The following CLASP1 variants were observed in gnomAD, a reference collection of about 807,000 sequenced individuals.
CLASP1 encodes the protein CLIP-associating protein 1.
In CLASP1, 38 loss-of-function variants were observed where a neutral mutation model predicts 192.3. The observed-to-expected ratio is 0.20, with a 90% confidence interval of 0.15 to 0.26. The LOEUF (loss-of-function observed/expected upper bound fraction) is 0.26. Among genes scored for constraint, CLASP1 ranks in the 10% least tolerant of loss-of-function variants. The pLI is 1.00. For synonymous variants in CLASP1, 691 were observed against 712.8 expected (o/e 0.97, Z 0.49); for missense variants, 1,433 against 1,932.5 (o/e 0.74, Z 4.85).
intron 8 of CLASP1, among the ~76,000 whole-genome samples, chr2:121,502,912 G>C (rs2093806511): frequency 6.6e-6 from 1 of 152,238 alleles, no homozygotes; most frequent in Non-Finnish European, 1.5e-5. Context: ...GTGATGATGA[G>C]AGTTCCTGGG....
At chr2:121,633,028 A>ATATACATATATATATATATATATG (rs71398039) in intron 1 of CLASP1, among the ~76,000 whole-genome samples, 2 of 137,544 alleles carry the variant, frequency 1.5e-5, no homozygotes, top group African/African-American at 5.8e-5. Flanking sequence ...ATATATATAT[A>ATATACATATATATATATATATATG]GGCTTTTTTT....
chr2:121,367,366 C>T (rs1358677391), intron 35 of CLASP1, among the ~76,000 whole-genome samples: 1 of 152,212 alleles, frequency 6.6e-6, no homozygotes, highest in Non-Finnish European at 1.5e-5. Context: ...CTGTTTATTT[C>T]CTCACTGCCC....
At position 121,523,753 on chromosome 2, in the gene CLASP1, C is replaced by T. The variant is rs555859196; in HGVS notation, c.546+2092G>A. On this transcript the variant is annotated intron_variant, in intron 6 of 39. Transcript: ENST00000263710. ...TCACTTTCCTCTGGAGGATGTGGTC[C>T]GCCTCAGTTGCAGAAGCAAAATTTG... is the stretch of plus-strand genomic sequence containing the variant. Among the ~76,000 whole-genome samples the T allele has an allele frequency of 2.6e-5, 4 of 152,232 alleles. No homozygotes were observed. In the South Asian group the frequency reaches 8.3e-4, roughly 32 times the overall value.
At chr2:121,598,919 G>A (rs1446559893) in intron 2 of CLASP1, among the ~76,000 whole-genome samples, 6 of 152,154 alleles carry the variant, frequency 3.9e-5, no homozygotes, top group Non-Finnish European at 7.3e-5. Context: ...AGGCTAGAGT[G>A]CAGTGGTGCA....
chr2:121,352,269 C>T (rs953793706), intron 37 of CLASP1, among the ~76,000 whole-genome samples: 5 of 152,370 alleles, frequency 3.3e-5, no homozygotes, highest in African/African-American at 4.8e-5. Flanking sequence ...CTGCCTCGTC[C>T]GGGCACCTCA....
intron 37 of CLASP1, 148 bp downstream of exon 38, chr2:121,363,024 A>G: frequency 3.2e-6 from 3 of 951,754 alleles, no homozygotes; most frequent in South Asian, 3.5e-5. Context: ...GACGACAGCA[A>G]TGGGGACTCC....
intron 19 of CLASP1, among the ~76,000 whole-genome samples, chr2:121,446,009 T>G (rs1164364780): frequency 6.6e-6 from 1 of 152,232 alleles, no homozygotes; most frequent in Non-Finnish European, 1.5e-5. Flanking sequence ...GAGGAAGAGT[T>G]GTTACTTCTC....
chr2:121,553,219 G>A lies in CLASP1; in HGVS notation c.196-22894C>T, dbSNP rs569434835. Among the ~76,000 whole-genome samples the A allele has an allele frequency of 2.0e-5, 3 of 152,142 alleles. No individual in the cohort carries two copies. In the South Asian group the frequency reaches 6.2e-4, roughly 32 times the overall value. On this transcript the variant is annotated intron_variant, in intron 2 of 39. Transcript: ENST00000263710. ...GTGGAGGGTGGGAGGAGGGAGAGGA[G>A]CAGAAAAGATAACTTTTGGGTACTG... is the stretch of plus-strand genomic sequence containing the variant.
At chr2:121,610,362 A>G (rs1283116670) in intron 1 of CLASP1, among the ~76,000 whole-genome samples, 106 of 81,928 alleles carry the variant, frequency 1.3e-3, no homozygotes, top group Middle Eastern at 0.02. Flanking sequence ...AGGAGGAGGA[A>G]GAGTTACAGG....
At chr2:121,483,843 C>A (rs537829548) in intron 8 of CLASP1, among the ~76,000 whole-genome samples, 1 of 152,164 alleles carries the variant, frequency 6.6e-6, no homozygotes, top group Admixed American at 6.5e-5. Flanking sequence ...TTAACATAAA[C>A]CAAAAATAAC....
At chr2:121,426,286 G>A (rs2080361396) in intron 21 of CLASP1, among the ~76,000 whole-genome samples, 1 of 152,034 alleles carries the variant, frequency 6.6e-6, no homozygotes, top group Admixed American at 6.6e-5. Flanking sequence ...AAAAGACAAA[G>A]AAGGATATTT....
At chr2:121,419,016 CAACA>C (rs1574569424) in intron 22 of CLASP1, among the ~76,000 whole-genome samples, 1 of 152,042 alleles carries the variant, frequency 6.6e-6, no homozygotes, top group Non-Finnish European at 1.5e-5. Context: ...TCTTTCTGAA[CAACA>C]AACTGTCATC....
chr2:121,530,889 TTTCTTGGGGTTGCGC>T, intron 2 of CLASP1: 1 of 693,524 alleles, frequency 1.4e-6, no homozygotes. Context: ...TAACCATCCT[TTTCTTGGGGTTGCGC>T]TACTGTCCAA....
chr2:121,625,426 C>CTTTTTTTT (rs1559804182), intron 1 of CLASP1, among the ~76,000 whole-genome samples: 1 of 128,280 alleles, frequency 7.8e-6, no homozygotes, highest in African/African-American at 3.3e-5. Context: ...TTCTTTCTTT[C>CTTTTTTTT]ATTTTTTTTT....
At chr2:121,531,316 T>G (rs1241603469) in intron 2 of CLASP1, among the ~76,000 whole-genome samples, 1 of 152,066 alleles carries the variant, frequency 6.6e-6, no homozygotes, top group Non-Finnish European at 1.5e-5. Context: ...GTAATCCAGG[T>G]CGGGCGCGGT....
chr2:121,619,161 T>C (rs756984625), intron 1 of CLASP1, among the ~76,000 whole-genome samples: 19 of 152,074 alleles, frequency 1.2e-4, no homozygotes, highest in Non-Finnish European at 2.6e-4. Context: ...CCAAAATGAA[T>C]AAAAGGTTCA....
chr2:121,450,593 C>T (rs2085280780), intron 16 of CLASP1, among the ~76,000 whole-genome samples: 1 of 152,118 alleles, frequency 6.6e-6, no homozygotes, highest in African/African-American at 2.4e-5. Context: ...ATTAAAGCAG[C>T]TTTGGATTAC....
At chr2:121,419,125 A>G (rs943427527) in intron 22 of CLASP1, among the ~76,000 whole-genome samples, 1 of 152,222 alleles carries the variant, frequency 6.6e-6, no homozygotes, top group Non-Finnish European at 1.5e-5. Context: ...AGCTGTATTC[A>G]TATGCACTTG....
chr2:121,470,010 TATAC>T, intron 8 of CLASP1, 50 bp from the exon 9 acceptor site: 4 of 1,311,152 alleles, frequency 3.1e-6, no homozygotes, highest in Middle Eastern at 2.3e-4. Context: ...AAAAACTATA[TATAC>T]ATATATATAT....
Sources: gnomAD v4.1 joint callset for allele counts (sites outside exome capture counted in the v4.1 genomes callset) on GRCh38, gnomAD v4.1.1 for gene constraint, MANE v1.5 for transcripts, NCBI Gene and HGNC (gene_info 2026-07-23, HGNC 2026-07-21) for gene names.